MYO16: variants seen among roughly 807,000 people sequenced by gnomAD.
MYO16 encodes the protein unconventional myosin-XVI.
Under a neutral mutation model 205.3 loss-of-function variants are expected in MYO16, and 94 were observed. The observed-to-expected ratio is 0.46, with a 90% CI of 0.39 to 0.54. MYO16 has a LOEUF of 0.54. Ranked by LOEUF, MYO16 falls within the 20% of genes least tolerant of loss-of-function variation. MYO16 has a pLI of 0.00. For missense variants in MYO16, 2,315 were observed against 2,387.5 expected (o/e 0.97, Z 0.63); for synonymous variants, 988 against 954.0 (o/e 1.04, Z -0.66).
rs1033578813 is a variant in MYO16 at position 108,877,761 on chromosome 13, G to A, written c.1426-5298G>A. Among the ~76,000 whole-genome samples the A allele has an allele frequency of 3.0e-4, 46 of 152,158 alleles. 1 individual carries two copies. Among genetic ancestry groups the A allele is most frequent in the Admixed American group, 2.8e-3 (43 of 15,276 alleles). On this transcript the variant is annotated intron_variant, in intron 12 of 34. Transcript: ENST00000457511. ...TGCTGATCTATTGATTACATGCACA[G>A]CTTATACACTTCTCTGTCTTTGCTT...
chr13:108,894,323 T>A (rs928303800), intron 14 of MYO16, among the ~76,000 whole-genome samples: 1 of 152,158 alleles, frequency 6.6e-6, no homozygotes, highest in Non-Finnish European at 1.5e-5. Flanking sequence ...GGGGTGGTCT[T>A]CATTGTAGTA....
the MYO16 span, among the ~76,000 whole-genome samples, chr13:108,553,716 T>G: frequency 2.6e-5 from 4 of 152,176 alleles, no homozygotes; most frequent in Non-Finnish European, 5.9e-5. Context: ...CACTTTGGAT[T>G]GCAAATATTC....
Position 108,888,248 on chromosome 13 carries a change from G to C in MYO16, c.1554-124G>C, listed in dbSNP as rs554515178. ...TGTGCCATTCCCTCCTCATTTCTGT[G>C]TCTGAGAAATATCTCCAGTTAATTT... On this transcript the variant is annotated intron_variant, in intron 13 of 34. Coordinates refer to ENST00000457511, the MANE Select transcript of MYO16 (RefSeq NM_001198950.3). The C allele has an allele frequency of 7.0e-4, 432 of 613,330 alleles. 1 individual carries two copies. The highest frequency in any genetic ancestry group is 1.0e-3 in the Non-Finnish European group (371 of 354,824). 38.0% of individuals were successfully genotyped at this position (613,330 alleles called of 1,614,324 possible). A position where few individuals can be genotyped will look rare whatever the true frequency, so the allele number is the denominator to read the frequency against.
intron 32 of MYO16, among the ~76,000 whole-genome samples, chr13:109,158,243 C>G (rs1237448311): frequency 6.6e-6 from 1 of 152,162 alleles, no homozygotes; most frequent in Non-Finnish European, 1.5e-5. Flanking sequence ...ATCTTAACTC[C>G]CATTATGCTC....
intron 2 of MYO16, among the ~76,000 whole-genome samples, chr13:108,669,648 G>A (rs1271830573): frequency 1.3e-5 from 2 of 152,120 alleles, no homozygotes; most frequent in Non-Finnish European, 2.9e-5. Context: ...CCCATTTGTT[G>A]ATGGGGTTGT....
chr13:108,866,307 GT>G, intron 12 of MYO16, 65 bp downstream of exon 12: 1 of 995,906 alleles, frequency 1.0e-6, no homozygotes, highest in Non-Finnish European at 1.4e-6. Flanking sequence ...ATACATGTTT[GT>G]ATCAAATGAC....
intron 1 of MYO16, among the ~76,000 whole-genome samples, chr13:108,659,870 T>C (rs1439203894): frequency 1.3e-5 from 2 of 152,016 alleles, no homozygotes; most frequent in Non-Finnish European, 2.9e-5. Context: ...AATAAGAAAA[T>C]ATATAGAATT....
chr13:108,759,727 A>G (rs1885539460), intron 4 of MYO16, among the ~76,000 whole-genome samples: 2 of 151,780 alleles, frequency 1.3e-5, no homozygotes, highest in South Asian at 4.2e-4. Context: ...AGGCTAAGGC[A>G]GGAGAATGGC....
intron 23 of MYO16, among the ~76,000 whole-genome samples, chr13:109,038,537 G>C (rs1371664041): frequency 6.6e-6 from 1 of 151,974 alleles, no homozygotes; most frequent in Non-Finnish European, 1.5e-5. Context: ...ACTTTCCTGG[G>C]TCTCCAGCTT....
intron 2 of MYO16, among the ~76,000 whole-genome samples, chr13:108,699,937 G>GA (rs1179878343): frequency 4.6e-5 from 7 of 152,146 alleles, no homozygotes; most frequent in African/African-American, 1.7e-4. Context: ...GTTACAGAGA[G>GA]ACGACCACTG....
chr13:108,608,006 A>T (rs1156913614), intron 1 of MYO16, among the ~76,000 whole-genome samples: 1 of 152,232 alleles, frequency 6.6e-6, no homozygotes, highest in East Asian at 1.9e-4. Flanking sequence ...AAAAATAGGC[A>T]GTGTAAACAT....
chr13:109,044,704 AC>A (rs1326633186), intron 23 of MYO16, among the ~76,000 whole-genome samples: 3 of 152,160 alleles, frequency 2.0e-5, no homozygotes, highest in African/African-American at 7.2e-5. Context: ...ACTATTTGTA[AC>A]CCCTTATACT....
At chr13:108,604,510 G>A (rs1878880456) in intron 1 of MYO16, among the ~76,000 whole-genome samples, 1 of 152,188 alleles carries the variant, frequency 6.6e-6, no homozygotes, top group African/African-American at 2.4e-5. Flanking sequence ...TAGCACAAAA[G>A]AACTAGCAGA....
chr13:109,108,015 G>C (rs1889173423), intron 28 of MYO16, among the ~76,000 whole-genome samples: 1 of 151,928 alleles, frequency 6.6e-6, no homozygotes, highest in Admixed American at 6.6e-5. Context: ...TACCAGAATT[G>C]AACTACCTAA....
At chr13:108,516,272 G>A in the MYO16 span, among the ~76,000 whole-genome samples, 2 of 151,482 alleles carry the variant, frequency 1.3e-5, no homozygotes, top group African/African-American at 4.9e-5. Context: ...CTTTGACTCG[G>A]AAAGGGAACT....
At chr13:108,820,862 T>C (rs967370126) in intron 8 of MYO16, among the ~76,000 whole-genome samples, 2 of 152,192 alleles carry the variant, frequency 1.3e-5, no homozygotes, top group African/African-American at 4.8e-5. Context: ...GACATTCTTA[T>C]GCAAATTTAA....
chr13:108,544,911 A>T, the MYO16 span, among the ~76,000 whole-genome samples: 2 of 152,122 alleles, frequency 1.3e-5, no homozygotes, highest in African/African-American at 4.8e-5. Context: ...AGTTCCATCA[A>T]TGCTGCTGCA....
intron 27 of MYO16, among the ~76,000 whole-genome samples, chr13:109,066,384 C>A (rs1417174109): frequency 6.6e-6 from 1 of 152,196 alleles, no homozygotes; most frequent in African/African-American, 2.4e-5. Context: ...TTTGCCAAAT[C>A]TAACCATTTT....
intron 32 of MYO16, among the ~76,000 whole-genome samples, chr13:109,143,413 G>A (rs1690489642): frequency 6.6e-6 from 1 of 152,104 alleles, no homozygotes. Context: ...CTTCTAAATA[G>A]CAGAATGTTT....
Sources: gnomAD v4.1 joint callset for allele counts (sites outside exome capture counted in the v4.1 genomes callset) on GRCh38, gnomAD v4.1.1 for gene constraint, MANE v1.5 for transcripts, NCBI Gene and HGNC (gene_info 2026-07-23, HGNC 2026-07-21) for gene names.